EVL: variants seen among roughly 807,000 people sequenced by gnomAD.
EVL encodes ena/VASP-like protein.
EVL carries 21 observed loss-of-function variants against 59.6 expected under a neutral mutation model. That is an observed-to-expected ratio of 0.35 (90% CI 0.25 to 0.51). The LOEUF is 0.51. EVL is among the 20% of genes least tolerant of loss of function. The pLI is 0.97. For missense variants in EVL, 462 were observed against 546.6 expected (o/e 0.85, Z 1.54); for synonymous variants, 198 against 203.5 (o/e 0.97, Z 0.23).
At chr14:100,118,948 C>T (rs1159495825) in intron 3 of EVL, among the ~76,000 whole-genome samples, 1 of 152,246 alleles carries the variant, frequency 6.6e-6, no homozygotes, top group Non-Finnish European at 1.5e-5. Context: ...GTCCAGCGGG[C>T]CCTGGAGCAG....
At chr14:99,981,072 C>CAA (rs750621318) in intron 1 of EVL, among the ~76,000 whole-genome samples, 18 of 126,046 alleles carry the variant, frequency 1.4e-4, no homozygotes, top group African/African-American at 2.6e-4. Flanking sequence ...GATCCTATCT[C>CAA]AAAAAAAAAA....
At chr14:100,126,647 C>G in intron 4 of EVL, 60 bp from the exon 5 acceptor site, 2 of 1,585,870 alleles carry the variant, frequency 1.3e-6, no homozygotes, top group Non-Finnish European at 1.7e-6. Flanking sequence ...AGCACAGGCA[C>G]AGAGTGTGGT....
intron 1 of EVL, among the ~76,000 whole-genome samples, chr14:99,991,777 A>T (rs896043999): frequency 6.6e-6 from 1 of 152,224 alleles, no homozygotes. Context: ...TATATATAAT[A>T]CATACATGTA....
chr14:99,982,875 T>TA lies in EVL; in HGVS notation c.5+10819dup, dbSNP rs1405217984. Among the ~76,000 whole-genome samples the TA allele has an allele frequency of 3.3e-5, 5 of 152,234 alleles. No homozygotes were observed. The South Asian group carries it at 6.2e-4, about 19-fold the overall frequency. ...TGGATTCTGCCCCAGAGGTACTACT[T>TA]ATCAGCTGACTTTTAGCAATTTACG... On this transcript the variant is annotated intron_variant, in intron 1 of 13. Transcript: ENST00000402714.
At chr14:100,138,017 GC>G in intron 11 of EVL, 1 of 604,530 alleles carries the variant, frequency 1.7e-6, no homozygotes. Flanking sequence ...GGCAAGGAGG[GC>G]AGTGACCTGT....
intron 1 of EVL, among the ~76,000 whole-genome samples, chr14:100,056,682 A>G (rs2061739006): frequency 6.6e-6 from 1 of 152,180 alleles, no homozygotes; most frequent in African/African-American, 2.4e-5. Context: ...GAGTTTAACC[A>G]GGAGTGTGGT....
chr14:100,051,951 T>C (rs1011430870), intron 1 of EVL, among the ~76,000 whole-genome samples: 7 of 152,232 alleles, frequency 4.6e-5, no homozygotes, highest in Non-Finnish European at 8.8e-5. Context: ...TTCCTTACCT[T>C]ACCTCAGGAC....
intron 1 of EVL, among the ~76,000 whole-genome samples, chr14:99,978,570 C>T (rs1228164562): frequency 1.3e-5 from 2 of 152,040 alleles, no homozygotes. Context: ...TAGTTGAATA[C>T]CTATACGTGT....
chr14:100,057,136 G>A (rs1275140628), intron 1 of EVL, among the ~76,000 whole-genome samples: 1 of 152,184 alleles, frequency 6.6e-6, no homozygotes, highest in African/African-American at 2.4e-5. Flanking sequence ...GAGGACAACT[G>A]TGTTTACAAG....
At chr14:100,080,512 G>A (rs2062274169) in intron 1 of EVL, among the ~76,000 whole-genome samples, 2 of 152,208 alleles carry the variant, frequency 1.3e-5, no homozygotes, top group African/African-American at 4.8e-5. Context: ...GAGGCCTAGA[G>A]TCACATGGTC....
At chr14:100,126,008 C>G (rs553555511) in intron 4 of EVL, among the ~76,000 whole-genome samples, 2 of 152,338 alleles carry the variant, frequency 1.3e-5, no homozygotes, top group South Asian at 4.1e-4. Context: ...GAGCTGAGCT[C>G]TTGATGCTGT....
At chr14:100,049,223 AC>A (rs1566984561) in intron 1 of EVL, among the ~76,000 whole-genome samples, 1 of 152,196 alleles carries the variant, frequency 6.6e-6, no homozygotes, top group Non-Finnish European at 1.5e-5. Context: ...GTTCCTTAAA[AC>A]CATTGGAAAT....
intron 3 of EVL, among the ~76,000 whole-genome samples, chr14:100,101,413 G>A (rs549723884): frequency 1.6e-4 from 25 of 152,096 alleles, no homozygotes; most frequent in South Asian, 6.2e-4. Flanking sequence ...CCCAGGGGGC[G>A]GGATTACGGT....
chr14:100,140,910 C>T (rs1292387369), intron 11 of EVL: 5 of 415,446 alleles, frequency 1.2e-5, no homozygotes, highest in African/African-American at 2.1e-5. Context: ...TGCATAAGAG[C>T]TCTCTGATCA....
At chr14:100,093,195 C>T (rs2062600870) in intron 2 of EVL, among the ~76,000 whole-genome samples, 1 of 152,174 alleles carries the variant, frequency 6.6e-6, no homozygotes, top group Non-Finnish European at 1.5e-5. Flanking sequence ...ACTGGACTCT[C>T]CTGTTTTAGA....
chr14:100,003,886 G>GAAA (rs756726225), intron 1 of EVL, among the ~76,000 whole-genome samples: 31 of 152,198 alleles, frequency 2.0e-4, no homozygotes, highest in Non-Finnish European at 3.5e-4. Context: ...TATATTGGAA[G>GAAA]AAAACATTCC....
At chr14:100,073,320 C>CT (rs368484673) in intron 1 of EVL, among the ~76,000 whole-genome samples, 11,544 of 137,290 alleles carry the variant, frequency 0.084, 538 homozygotes, top group African/African-American at 0.098. Context: ...TTTCCTTTTT[C>CT]TTTTTTTTTT....
intron 1 of EVL, among the ~76,000 whole-genome samples, chr14:99,998,187 T>C (rs1395296695): frequency 6.6e-6 from 1 of 152,066 alleles, no homozygotes; most frequent in African/African-American, 2.4e-5. Flanking sequence ...GCCTAGCTAA[T>C]TTTTTTATTA....
intron 1 of EVL, among the ~76,000 whole-genome samples, chr14:100,020,786 T>C (rs1037069178): frequency 6.6e-6 from 1 of 152,260 alleles, no homozygotes; most frequent in Non-Finnish European, 1.5e-5. Context: ...GGTCGTCCCC[T>C]GCCCTTTTCA....
Sources: allele counts gnomAD v4.1 joint callset (sites outside exome capture counted in the v4.1 genomes callset), GRCh38; gene constraint gnomAD v4.1.1; transcripts MANE v1.5; gene names NCBI Gene and HGNC (gene_info 2026-07-23, HGNC 2026-07-21).